Variants in PSD3 observed in about 807,000 individuals in gnomAD.
PSD3 encodes pleckstrin and Sec7 domain containing 3, also known as PH and SEC7 domain-containing protein 3.
In PSD3, 49 loss-of-function variants were observed where a neutral mutation model predicts 105.5. The observed-to-expected ratio is 0.46, with a 90% CI of 0.37 to 0.59. The LOEUF (loss-of-function observed/expected upper bound fraction) is 0.59, where lower values mean the gene tolerates loss of function less well. Ranked by LOEUF, PSD3 falls within the 20% of genes least tolerant of loss-of-function variation. The pLI is 0.00. For synonymous variants in PSD3, 557 were observed against 457.8 expected (o/e 1.22, Z -2.77); for missense variants, 1,561 against 1,263.8 (o/e 1.24, Z -3.57).
At chr8:18,619,474 C>T (rs1203717181) in intron 11 of PSD3, among the ~76,000 whole-genome samples, 1 of 152,014 alleles carries the variant, frequency 6.6e-6, no homozygotes, top group Admixed American at 6.6e-5. Context: ...GTCTGACCCA[C>T]CTCTACTAAA....
intron 10 of PSD3, among the ~76,000 whole-genome samples, chr8:18,636,336 A>T (rs1807254437): frequency 6.6e-6 from 1 of 152,254 alleles, no homozygotes; most frequent in East Asian, 1.9e-4. Flanking sequence ...AAACACTTAT[A>T]AAATAAGGAT....
chr8:18,793,744 A>G (rs1809969966), intron 8 of PSD3, among the ~76,000 whole-genome samples: 1 of 152,180 alleles, frequency 6.6e-6, no homozygotes, highest in East Asian at 1.9e-4. Context: ...AGAAGCACAG[A>G]CAGAAGAGGT....
chr8:19,039,130 T>G (rs987746240), intron 1 of PSD3, among the ~76,000 whole-genome samples: 1 of 152,168 alleles, frequency 6.6e-6, no homozygotes, highest in Non-Finnish European at 1.5e-5. Flanking sequence ...TCGACGGACC[T>G]TTTTTCCCTT....
intron 2 of PSD3, among the ~76,000 whole-genome samples, chr8:18,915,747 G>A (rs563268301): frequency 2.6e-5 from 4 of 152,132 alleles, no homozygotes; most frequent in Non-Finnish European, 5.9e-5. Context: ...AGCCATGTGG[G>A]AAGAAGGGGA....
rs531488122 is a variant in PSD3, at chr8:18,588,774, T to C, written c.2481+11590A>G. ...GTCAATACTAACCCATTCTCCATCT[T>C]GATGACTCAAACTCCCAATACATTT... On this transcript the variant is annotated intron_variant, in intron 12 of 15. Coordinates refer to ENST00000327040, the MANE Select transcript of PSD3 (RefSeq NM_015310.4). Among the ~76,000 whole-genome samples, 18 of 152,318 alleles carry C rather than the reference T, an allele frequency of 1.2e-4. No individual in the cohort carries two copies. In the East Asian group the frequency reaches 3.5e-3, roughly 29 times the overall value.
At chr8:18,672,699 T>C (rs1799850580) in intron 9 of PSD3, among the ~76,000 whole-genome samples, 1 of 152,220 alleles carries the variant, frequency 6.6e-6, no homozygotes, top group Admixed American at 6.5e-5. Flanking sequence ...GAGACAACTG[T>C]TTCTCAAGAA....
intron 4 of PSD3, among the ~76,000 whole-genome samples, chr8:18,830,308 T>A (rs1813579029): frequency 6.6e-6 from 1 of 152,228 alleles, no homozygotes; most frequent in African/African-American, 2.4e-5. Flanking sequence ...AGGACCTTGC[T>A]ATATTAAAGC....
intron 2 of PSD3, among the ~76,000 whole-genome samples, chr8:18,876,080 C>T (rs1817719484): frequency 6.6e-6 from 1 of 152,016 alleles, no homozygotes. Context: ...AACTTCATTC[C>T]TTTTATTTTA....
At chr8:19,030,777 C>T (rs540280521) in intron 1 of PSD3, among the ~76,000 whole-genome samples, 1 of 152,086 alleles carries the variant, frequency 6.6e-6, no homozygotes, top group Non-Finnish European at 1.5e-5. Context: ...AACCTTCTAC[C>T]ACTCCATTTC....
At chr8:18,647,821 G>GT (rs1395794093) in intron 10 of PSD3, among the ~76,000 whole-genome samples, 5 of 152,156 alleles carry the variant, frequency 3.3e-5, no homozygotes, top group African/African-American at 9.7e-5. Flanking sequence ...ATGATAGTGA[G>GT]TGAGTGAGTT....
chr8:18,916,521 A>G (rs917545780), intron 2 of PSD3, among the ~76,000 whole-genome samples: 1 of 151,850 alleles, frequency 6.6e-6, no homozygotes, highest in African/African-American at 2.4e-5. Context: ...TACGTGCACA[A>G]TCTTAAAATG....
chr8:18,612,922 T>C (rs1032086083), intron 11 of PSD3, among the ~76,000 whole-genome samples: 3 of 152,094 alleles, frequency 2.0e-5, no homozygotes, highest in African/African-American at 7.2e-5. Context: ...AAAACAAGTA[T>C]CTTTCCCCAC....
At chr8:19,053,520 C>A (rs185499130) in intron 1 of PSD3, among the ~76,000 whole-genome samples, 1 of 152,006 alleles carries the variant, frequency 6.6e-6, no homozygotes, top group Non-Finnish European at 1.5e-5. Context: ...GAACACAGGC[C>A]GGGTGTGGTG....
intron 11 of PSD3, among the ~76,000 whole-genome samples, chr8:18,630,107 C>A (rs1234812292): frequency 6.6e-6 from 1 of 151,746 alleles, no homozygotes; most frequent in Non-Finnish European, 1.5e-5. Context: ...CATATATTTT[C>A]CCTTTGGTTC....
intron 9 of PSD3, among the ~76,000 whole-genome samples, chr8:18,717,328 A>T (rs1454114230): frequency 2.0e-5 from 3 of 152,226 alleles, no homozygotes; most frequent in Admixed American, 2.0e-4. Context: ...AGGTCAATTT[A>T]AAAATTGTTC....
At chr8:19,034,423 AT>A (rs1827877222) in intron 1 of PSD3, among the ~76,000 whole-genome samples, 1 of 152,154 alleles carries the variant, frequency 6.6e-6, no homozygotes, top group Non-Finnish European at 1.5e-5. Flanking sequence ...CTTAGACAAT[AT>A]TTTTAACAGG....
At chr8:18,819,473 CA>C (rs1330092152) in intron 4 of PSD3, among the ~76,000 whole-genome samples, 1 of 151,816 alleles carries the variant, frequency 6.6e-6, no homozygotes, top group Non-Finnish European at 1.5e-5. Flanking sequence ...AGGGATAAGG[CA>C]AAAGTGCTGT....
chr8:18,563,320 G>A (rs1227553365), intron 14 of PSD3, among the ~76,000 whole-genome samples: 1 of 152,054 alleles, frequency 6.6e-6, no homozygotes, highest in African/African-American at 2.4e-5. Context: ...AGGATCTTCG[G>A]TAAACAGTAG....
rs925016350 is a variant in PSD3 at position 19,080,141 on chromosome 8, A to G, written c.324+4065T>C. On this transcript the variant is annotated intron_variant, in intron 1 of 1. Transcript: ENST00000521475. ...TGACTTCAAATGATTTGCCAGCCTC[A>G]GCCTCCCAAAGTGCTGGGATTACAG... Among the ~76,000 whole-genome samples, 3 of 152,194 alleles carry G rather than the reference A, an allele frequency of 2.0e-5. No homozygotes were observed. The East Asian group carries it at 5.8e-4, about 29-fold the overall frequency.
Sources: gnomAD v4.1 joint callset for allele counts (sites outside exome capture counted in the v4.1 genomes callset) on GRCh38, gnomAD v4.1.1 for gene constraint, MANE v1.5 for transcripts, NCBI Gene and HGNC (gene_info 2026-07-23, HGNC 2026-07-21) for gene names.